Variants in ZNF277 observed in about 807,000 individuals in gnomAD.
The protein encoded by ZNF277 is nuclear receptor-interacting factor 4.
A neutral mutation model predicts 60.7 loss-of-function variants in ZNF277; 55 were observed. That is an observed-to-expected ratio of 0.91 (90% CI 0.73 to 1.13). The LOEUF is 1.13. Ranked by LOEUF, ZNF277 falls within the 50% of genes most tolerant of loss-of-function variation. The pLI, the probability that ZNF277 is intolerant of heterozygous loss-of-function variation, is 0.00. For synonymous variants in ZNF277, 178 were observed against 179.3 expected, an observed-to-expected ratio of 0.99 and a Z score of 0.06; for missense variants, 510 against 523.0, an observed-to-expected ratio of 0.98 and a Z score of 0.24.
At chr7:112,253,660 T>C (rs546066466) in intron 1 of ZNF277, among the ~76,000 whole-genome samples, 1 of 152,178 alleles carries the variant, frequency 6.6e-6, no homozygotes, top group Non-Finnish European at 1.5e-5. Context: ...CATGCCTTAT[T>C]GTACATAATA....
intron 1 of ZNF277, among the ~76,000 whole-genome samples, chr7:112,246,617 G>T (rs1791091224): frequency 6.6e-6 from 1 of 152,170 alleles, no homozygotes; most frequent in South Asian, 2.1e-4. Flanking sequence ...GTAAAGAAAG[G>T]CATTGCAAAT....
rs183685131 is a variant in ZNF277, at chr7:112,259,970, T to C, written c.92-26903T>C. 5.3e-5 allele frequency among the ~76,000 whole-genome samples: 8 copies of C among 152,294 alleles called. No homozygotes were observed. The East Asian group carries it at 1.3e-3, about 26-fold the overall frequency. On this transcript the variant is annotated intron_variant, in intron 1 of 11. Transcript: ENST00000361822. ...TCTATCAGGTAAACATCCTGAGATATAAGTATAAAAGCTACAGGCAGCACA... is the reference window on the plus strand; with the variant it reads ...TCTATCAGGTAAACATCCTGAGATACAAGTATAAAAGCTACAGGCAGCACA...
chr7:112,241,531 A>G (rs141760924), intron 1 of ZNF277, among the ~76,000 whole-genome samples: 1 of 152,324 alleles, frequency 6.6e-6, no homozygotes, highest in Non-Finnish European at 1.5e-5. Context: ...CAGTATATCA[A>G]AGAGATAATC....
chr7:112,237,047 T>C (rs1393030492), intron 1 of ZNF277, among the ~76,000 whole-genome samples: 1 of 152,100 alleles, frequency 6.6e-6, no homozygotes, highest in Non-Finnish European at 1.5e-5. Context: ...TTGAGCACAG[T>C]GGAATAAAAC....
intron 4 of ZNF277, among the ~76,000 whole-genome samples, chr7:112,308,469 A>G (rs767970446): frequency 6.6e-6 from 1 of 152,060 alleles, no homozygotes; most frequent in Non-Finnish European, 1.5e-5. Flanking sequence ...GTGAGTCGAG[A>G]TCATACCACT....
At chr7:112,240,238 G>A (rs928168669) in intron 1 of ZNF277, among the ~76,000 whole-genome samples, 3 of 151,950 alleles carry the variant, frequency 2.0e-5, no homozygotes, top group Admixed American at 6.6e-5. Flanking sequence ...ATAAAATGAC[G>A]GGATATCAAA....
chr7:112,330,539 G>C, intron 7 of ZNF277: 1 of 188,506 alleles, frequency 5.3e-6, no homozygotes, highest in East Asian at 1.1e-4. Flanking sequence ...TGGGGCCAGA[G>C]ACTCCTTTCT....
intron 1 of ZNF277, among the ~76,000 whole-genome samples, chr7:112,209,527 C>A (rs1257626990): frequency 6.6e-6 from 1 of 152,020 alleles, no homozygotes; most frequent in Non-Finnish European, 1.5e-5. Flanking sequence ...GTATCTATAA[C>A]ATAAAAAAAT....
chr7:112,251,068 T>G (rs1196133692), intron 1 of ZNF277, among the ~76,000 whole-genome samples: 1 of 152,192 alleles, frequency 6.6e-6, no homozygotes, highest in African/African-American at 2.4e-5. Flanking sequence ...CCTTTTTCTT[T>G]GCATTTCTTG....
At chr7:112,218,789 G>A (rs1294679885) in intron 1 of ZNF277, among the ~76,000 whole-genome samples, 1 of 152,114 alleles carries the variant, frequency 6.6e-6, no homozygotes, top group Non-Finnish European at 1.5e-5. Context: ...CAAATGGCAG[G>A]ATTTCCTTCT....
At chr7:112,305,277 G>A (rs557886419) in intron 4 of ZNF277, among the ~76,000 whole-genome samples, 1 of 152,096 alleles carries the variant, frequency 6.6e-6, no homozygotes, top group South Asian at 2.1e-4. Context: ...GAAGGGAAGA[G>A]TTTTTGGGGA....
At chr7:112,336,014 T>G in intron 7 of ZNF277, 90 bp from the exon 8 acceptor site, 1 of 1,089,914 alleles carries the variant, frequency 9.2e-7, no homozygotes, top group Non-Finnish European at 1.3e-6. Context: ...TTTTGTTTAT[T>G]TTTTTGGTTT....
In ZNF277 at chr7:112,337,797, A is replaced by G; in HGVS notation, c.937A>G (p.Thr313Ala). Residue 313 changes from threonine to alanine, a missense_variant, in exon 9 of 12, where the codon ACA becomes GCA. By Grantham distance (58) the Thr-to-Ala change is moderately conservative. Coordinates refer to ENST00000361822, the MANE Select transcript of ZNF277 (RefSeq NM_021994.3). Reference protein sequence around the residue: ...VCLFCEKQAETIEKLYVHMED... With the variant: ...VCLFCEKQAEAIEKLYVHMED... ...CTTATTTTGTGAAAAGCAAGCAGAA[A>G]CAATTGAGAAGTTGTATGTCCACAT... The G allele has an allele frequency of 1.2e-6, 2 of 1,612,234 alleles. No homozygotes were observed. Among genetic ancestry groups the G allele is most frequent in the Non-Finnish European group, 8.5e-7 (1 of 1,179,412 alleles).
intron 1 of ZNF277, among the ~76,000 whole-genome samples, chr7:112,243,731 T>C (rs1040870622): frequency 6.6e-6 from 1 of 152,004 alleles, no homozygotes; most frequent in African/African-American, 2.4e-5. Flanking sequence ...ACAACCATTA[T>C]GGAAAACATT....
chr7:112,244,361 G>A lies in ZNF277; in HGVS notation c.91+37554G>A, dbSNP rs1791031394. 2.0e-5 allele frequency among the ~76,000 whole-genome samples: 3 copies of A among 152,002 alleles called. No homozygotes were observed. The South Asian group carries it at 6.2e-4, about 31-fold the overall frequency. On this transcript the variant is annotated intron_variant, in intron 1 of 11. Coordinates refer to ENST00000361822, the MANE Select transcript of ZNF277 (RefSeq NM_021994.3). ...ATGACAGTGACCTATTAAGCCTAAT[G>A]GAAATATATTTCTAAATATTTTACT...
At chr7:112,341,369 A>C (rs905400577) in intron 11 of ZNF277, among the ~76,000 whole-genome samples, 2 of 152,214 alleles carry the variant, frequency 1.3e-5, no homozygotes, top group African/African-American at 4.8e-5. Flanking sequence ...GCCAGTATCC[A>C]TCTGTTGCAT....
chr7:112,238,958 C>G (rs1790874267), intron 1 of ZNF277, among the ~76,000 whole-genome samples: 1 of 151,868 alleles, frequency 6.6e-6, no homozygotes. Context: ...AGAAGGGTAC[C>G]CACTGCCTGA....
At chr7:112,330,380 ATTTG>A in intron 7 of ZNF277, 164 bp downstream of exon 7, 1 of 652,076 alleles carries the variant, frequency 1.5e-6, no homozygotes, top group Non-Finnish European at 2.6e-6. Context: ...AGTACAAGAC[ATTTG>A]ATTTGACTTG....
Position 112,262,248 on chromosome 7 carries a change from A to C in ZNF277, c.92-24625A>C, listed in dbSNP as rs1002960218. ...ACTGAGACATTTAAAAAAGCAATACAAAAAAAAAAAAAAAAAAGATCATTG... is the reference window on the plus strand; with the variant it reads ...ACTGAGACATTTAAAAAAGCAATACCAAAAAAAAAAAAAAAAAGATCATTG... On this transcript the variant is annotated intron_variant, in intron 1 of 11. Transcript: ENST00000361822. Among the ~76,000 whole-genome samples, 4 of 77,758 alleles carry C rather than the reference A, an allele frequency of 5.1e-5. No individual in the cohort carries two copies. In the East Asian group the frequency reaches 1.6e-3, roughly 32 times the overall value. 51.0% of individuals were successfully genotyped at this position (77,758 alleles called of 152,430 possible).
Sources: gnomAD v4.1 joint callset for allele counts (sites outside exome capture counted in the v4.1 genomes callset) on GRCh38, gnomAD v4.1.1 for gene constraint, MANE v1.5 for transcripts, NCBI Gene and HGNC (gene_info 2026-07-23, HGNC 2026-07-21) for gene names.